Variants in PDCD6IP observed in about 807,000 individuals in gnomAD.
PDCD6IP encodes programmed cell death 6-interacting protein.
A neutral mutation model predicts 103.7 loss-of-function variants in PDCD6IP; 43 were observed. That is an observed-to-expected ratio of 0.41 (90% CI 0.32 to 0.53). The LOEUF is 0.53. Ranked by LOEUF, PDCD6IP falls within the 20% of genes least tolerant of loss-of-function variation. The probability of loss-of-function intolerance (pLI) is 0.16; values close to 1 mark genes in which losing one functional copy is unlikely to be tolerated. For missense variants in PDCD6IP, 871 were observed against 1,036.7 expected (o/e 0.84, Z 2.20); for synonymous variants, 354 against 378.7 (o/e 0.93, Z 0.76).
chr3:33,849,754 C>G (rs1459975258), intron 12 of PDCD6IP, among the ~76,000 whole-genome samples: 1 of 152,174 alleles, frequency 6.6e-6, no homozygotes, highest in Non-Finnish European at 1.5e-5. Flanking sequence ...CAGTTTAATT[C>G]ATTTTCTACT....
chr3:33,863,383 T>TCCGA (rs1697994952), intron 15 of PDCD6IP, among the ~76,000 whole-genome samples: 1 of 152,198 alleles, frequency 6.6e-6, no homozygotes, highest in Non-Finnish European at 1.5e-5. Context: ...ATTTATTCTC[T>TCCGA]CTGACTGTAT....
chr3:33,848,605 A>G (rs1403840016), intron 12 of PDCD6IP, among the ~76,000 whole-genome samples: 1 of 152,124 alleles, frequency 6.6e-6, no homozygotes, highest in South Asian at 2.1e-4. Flanking sequence ...GGGTTTCACC[A>G]TGTTGGCCTG....
intron 3 of PDCD6IP, among the ~76,000 whole-genome samples, chr3:33,815,490 G>C (rs1696827842): frequency 6.6e-6 from 1 of 152,112 alleles, no homozygotes; most frequent in Non-Finnish European, 1.5e-5. Flanking sequence ...GAAGTCATAT[G>C]GTTAGGATTT....
At chr3:33,813,426 T>A in intron 2 of PDCD6IP, 133 bp from the exon 3 acceptor site, 2 of 542,472 alleles carry the variant, frequency 3.7e-6, no homozygotes, top group East Asian at 5.8e-5. Context: ...GAAAGGAAGT[T>A]GGGTGGTTAT....
At chr3:33,854,992 C>G in intron 14 of PDCD6IP, 174 bp from the exon 15 acceptor site, 1 of 434,058 alleles carries the variant, frequency 2.3e-6, no homozygotes, top group South Asian at 4.5e-5. Context: ...CTTTAGGAGT[C>G]TTAGATCATA....
intron 16 of PDCD6IP, among the ~76,000 whole-genome samples, chr3:33,864,348 C>T (rs1698019734): frequency 6.6e-6 from 1 of 152,118 alleles, no homozygotes; most frequent in Non-Finnish European, 1.5e-5. Context: ...CTTAAACTTT[C>T]TGTTTATAGC....
intron 3 of PDCD6IP, among the ~76,000 whole-genome samples, chr3:33,818,395 A>G (rs1484773151): frequency 1.3e-5 from 2 of 151,584 alleles, no homozygotes; most frequent in Non-Finnish European, 2.9e-5. Context: ...GGTGTGAGCC[A>G]CCACGCCTGG....
At position 33,798,879 on chromosome 3, in the gene PDCD6IP, C is replaced by T. The variant is rs1223095001; in HGVS notation, c.151C>T (p.Arg51Cys). ...GGCGGAGGAGCTCAGCAAGCTGCGCCGCGCCGCAGTCGGTCGTCCGCTGGA... is the reference window on the plus strand; with the variant it reads ...GGCGGAGGAGCTCAGCAAGCTGCGCTGCGCCGCAGTCGGTCGTCCGCTGGA... ...RAAEELSKLR[R>C]AAVGRPLDKH... is the part of the protein sequence containing the mutation. Residue 51 changes from arginine (R) to cysteine (C), a missense_variant, in exon 1 of 18, where the codon CGC becomes TGC. Arg to Cys is a radical substitution (Grantham distance 180). This residue lies in a region of PDCD6IP where 114 missense variants were observed against 106.7 expected (regional missense o/e 1.07). Coordinates refer to ENST00000307296, the MANE Select transcript of PDCD6IP (RefSeq NM_013374.6). 1.9e-6 allele frequency: 3 copies of T among 1,549,026 alleles called. No homozygotes were observed. Among genetic ancestry groups the T allele is most frequent in the East Asian group, 2.4e-5 (1 of 40,832 alleles).
intron 3 of PDCD6IP, among the ~76,000 whole-genome samples, chr3:33,817,709 C>T (rs536556070): frequency 4.6e-5 from 7 of 151,614 alleles, no homozygotes; most frequent in Admixed American, 1.3e-4. Flanking sequence ...GCCATGATCA[C>T]GCCACTGTAC....
chr3:33,845,613 T>C (rs750020800), intron 12 of PDCD6IP, 25 bp downstream of exon 12: 1 of 1,543,610 alleles, frequency 6.5e-7, no homozygotes, highest in South Asian at 1.2e-5. Context: ...TTGATGTAGG[T>C]TGTCATCTGC....
intron 8 of PDCD6IP, 34 bp downstream of exon 8, chr3:33,836,300 T>G: frequency 8.2e-7 from 1 of 1,223,922 alleles, no homozygotes; most frequent in Non-Finnish European, 1.2e-6. Context: ...TTTAATCTCA[T>G]TTTTCTCTAG....
intron 10 of PDCD6IP, 134 bp from the exon 11 acceptor site, chr3:33,843,978 G>A (rs1011101471): frequency 1.9e-6 from 1 of 516,338 alleles, no homozygotes; most frequent in African/African-American, 2.1e-5. Context: ...CAAGAAAAAA[G>A]TCGATTTATA....
chr3:33,847,760 A>G (rs1356931039), intron 12 of PDCD6IP, among the ~76,000 whole-genome samples: 1 of 152,174 alleles, frequency 6.6e-6, no homozygotes, highest in Non-Finnish European at 1.5e-5. Flanking sequence ...TTGTATTTAA[A>G]GATTTTTGTA....
intron 1 of PDCD6IP, chr3:33,799,658 T>C (rs1362471274): frequency 6.6e-6 from 1 of 152,224 alleles, no homozygotes; most frequent in Non-Finnish European, 1.5e-5. Flanking sequence ...TTCATGATAC[T>C]TAATAGTTAT....
At chr3:33,854,963 C>CT (rs1697795547) in intron 14 of PDCD6IP, 1 of 323,544 alleles carries the variant, frequency 3.1e-6, no homozygotes, top group Non-Finnish European at 5.6e-6. Context: ...TGTAAAAATG[C>CT]TTTTATTATT....
At chr3:33,825,164 G>T (rs1341350381) in intron 4 of PDCD6IP, 23 bp from the exon 5 acceptor site, 1 of 1,596,656 alleles carries the variant, frequency 6.3e-7, no homozygotes, top group African/African-American at 1.4e-5. Context: ...TTCCTATAAA[G>T]AAATTCTTTT....
At chr3:33,818,933 A>G (rs751474297) in intron 3 of PDCD6IP, among the ~76,000 whole-genome samples, 12 of 152,076 alleles carry the variant, frequency 7.9e-5, no homozygotes, top group Middle Eastern at 3.4e-3. Context: ...TTTATCTTTC[A>G]TGTTTAGAAA....
chr3:33,846,146 C>T (rs1697587076), intron 12 of PDCD6IP, among the ~76,000 whole-genome samples: 1 of 152,164 alleles, frequency 6.6e-6, no homozygotes, highest in African/African-American at 2.4e-5. Context: ...TGACCTATCA[C>T]AGGGAGATAG....
intron 4 of PDCD6IP, among the ~76,000 whole-genome samples, chr3:33,822,637 G>A (rs1352817780): frequency 6.6e-6 from 1 of 151,934 alleles, no homozygotes; most frequent in Non-Finnish European, 1.5e-5. Context: ...ATGTTATTTT[G>A]TGGCAGTTTA....
Sources: allele counts gnomAD v4.1 joint callset (sites outside exome capture counted in the v4.1 genomes callset), GRCh38; gene constraint gnomAD v4.1.1; regional missense constraint gnomAD v4.1.1; transcripts MANE v1.5; gene names NCBI Gene and HGNC (gene_info 2026-07-23, HGNC 2026-07-21).